MACROD1: variants seen among roughly 807,000 people sequenced by gnomAD.
MACROD1 encodes the protein mono-ADP ribosylhydrolase 1, also known as ADP-ribose glycohydrolase MACROD1.
In MACROD1, 31 loss-of-function variants were observed where a neutral mutation model predicts 41.4. The ratio of observed to expected loss-of-function variants is 0.75; its 90% CI spans 0.56 to 1.01. The LOEUF is 1.01. Among genes scored for constraint, MACROD1 ranks in the 50% least tolerant of loss-of-function variants. MACROD1 has a pLI of 0.00. For synonymous variants in MACROD1, 252 were observed against 203.4 expected, an observed-to-expected ratio of 1.24 and a Z score of -2.03; for missense variants, 473 against 460.0, an observed-to-expected ratio of 1.03 and a Z score of -0.26.
chr11:63,999,391 C>T lies in MACROD1; in HGVS notation c.831G>A (p.Glu277=). The T allele has an allele frequency of 6.3e-7, 1 of 1,592,022 alleles. No individual in the cohort carries two copies. The highest frequency in any genetic ancestry group is 8.5e-7 in the Non-Finnish European group (1 of 1,173,104). Residue 277 remains glutamate, a synonymous_variant, in exon 8 of 11, where the codon GAG becomes GAA. Coordinates refer to ENST00000255681, the MANE Select transcript of MACROD1 (RefSeq NM_014067.4). The part of the protein sequence containing the change: ...ISTGVFGYPC[E]AAAEIVLATL... ...TGGCCAGCACGATCTCGGCGGCCGC[C>T]TCACAGGGGTAGCCTGAGGCGGGTG...
At chr11:64,010,107 G>A (rs1942979367) in intron 4 of MACROD1, among the ~76,000 whole-genome samples, 1 of 147,694 alleles carries the variant, frequency 6.8e-6, no homozygotes, top group East Asian at 2.0e-4. Flanking sequence ...GTTGGTTGGG[G>A]GGTTGGCTGG....
In MACROD1 at chr11:64,000,315, G is replaced by A. The variant is rs1360418410; in HGVS notation, c.576C>T (p.Gly192=). Residue 192 remains glycine, a synonymous_variant, in exon 5 of 11, where the codon GGC becomes GGT. Coordinates refer to ENST00000255681, the MANE Select transcript of MACROD1 (RefSeq NM_014067.4). ...GVDGCIHRAA[G]PLLTDECRTL... ...TCCGGCACTCGTCGGTAAGCAGGGG[G>A]CCGGCGGCCCGATGAATGCAGCCGT... The A allele has an allele frequency of 6.3e-7, 1 of 1,591,572 alleles. No homozygotes were observed. The highest frequency in any genetic ancestry group is 1.1e-5 in the South Asian group (1 of 87,842).
At chr11:64,136,357 G>A (rs1945332568) in intron 3 of MACROD1, among the ~76,000 whole-genome samples, 1 of 152,228 alleles carries the variant, frequency 6.6e-6, no homozygotes, top group Admixed American at 6.5e-5. Flanking sequence ...AGTCACTTAT[G>A]GTCTCTATAG....
At position 63,999,623 on chromosome 11, in the gene MACROD1, C is replaced by T; in HGVS notation, c.786+19G>A. ...CACTGCGCCCCGCCTCCCGCCCTCCCCCGCGGGCCGTCCCTCACCACCGAG... is the reference window on the plus strand; with the variant it reads ...CACTGCGCCCCGCCTCCCGCCCTCCTCCGCGGGCCGTCCCTCACCACCGAG... On this transcript the variant is annotated intron_variant, in intron 6 of 10. Transcript: ENST00000255681. The T allele has an allele frequency of 1.2e-6, 2 of 1,609,558 alleles. No homozygotes were observed. The highest frequency in any genetic ancestry group is 1.7e-6 in the Non-Finnish European group (2 of 1,178,836).
At chr11:64,039,917 G>A (rs1943453553) in intron 3 of MACROD1, among the ~76,000 whole-genome samples, 1 of 152,024 alleles carries the variant, frequency 6.6e-6, no homozygotes, top group Admixed American at 6.6e-5. Flanking sequence ...GGGAGTTTGG[G>A]GCTGAAGCCA....
chr11:64,115,837 T>C (rs1944967590), intron 3 of MACROD1, among the ~76,000 whole-genome samples: 2 of 152,212 alleles, frequency 1.3e-5, no homozygotes, highest in Non-Finnish European at 2.9e-5. Context: ...ACCTTTAGCG[T>C]TGGCCATAAA....
At chr11:64,100,284 T>G (rs1433599707) in intron 3 of MACROD1, among the ~76,000 whole-genome samples, 1 of 152,224 alleles carries the variant, frequency 6.6e-6, no homozygotes, top group Non-Finnish European at 1.5e-5. Flanking sequence ...GATTGGGCAC[T>G]TGGCTTTCTT....
intron 3 of MACROD1, among the ~76,000 whole-genome samples, chr11:64,027,822 C>G (rs1027978945): frequency 1.3e-5 from 2 of 152,228 alleles, no homozygotes; most frequent in South Asian, 2.1e-4. Context: ...TCCCCTCCCC[C>G]ACCACGGATT....
intron 3 of MACROD1, among the ~76,000 whole-genome samples, chr11:64,068,392 T>C (rs1486264486): frequency 6.6e-6 from 1 of 152,204 alleles, no homozygotes; most frequent in Non-Finnish European, 1.5e-5. Flanking sequence ...CCCTAGTAGC[T>C]GTAAAATGGA....
At chr11:64,110,449 G>GAA (rs754055496) in intron 3 of MACROD1, among the ~76,000 whole-genome samples, 11 of 132,274 alleles carry the variant, frequency 8.3e-5, no homozygotes, top group African/African-American at 2.8e-4. Flanking sequence ...GACTGTCTCA[G>GAA]AAAAAAAAAA....
chr11:64,148,263 G>A (rs946177360), intron 3 of MACROD1, among the ~76,000 whole-genome samples: 12 of 152,176 alleles, frequency 7.9e-5, no homozygotes, highest in African/African-American at 2.4e-4. Flanking sequence ...AGCTCTCCCC[G>A]CCCCCTTTCC....
At chr11:64,116,152 C>T (rs1041936836) in intron 3 of MACROD1, 94 of 1,436,508 alleles carry the variant, frequency 6.5e-5, no homozygotes, top group Non-Finnish European at 7.9e-5. Context: ...GGAGGGAATG[C>T]ACGATTCACT....
At chr11:64,111,977 T>C (rs1018899843) in intron 3 of MACROD1, among the ~76,000 whole-genome samples, 6 of 152,060 alleles carry the variant, frequency 3.9e-5, no homozygotes, top group African/African-American at 1.4e-4. Context: ...CCCTCAGCAG[T>C]GTGGAGTCAA....
chr11:64,083,598 G>A (rs1447882106), intron 3 of MACROD1, among the ~76,000 whole-genome samples: 1 of 152,198 alleles, frequency 6.6e-6, no homozygotes, highest in South Asian at 2.1e-4. Context: ...TTTCGAGAAC[G>A]AGCCGGGAAT....
chr11:64,095,972 C>A (rs1590901340), intron 3 of MACROD1, among the ~76,000 whole-genome samples: 1 of 34,530 alleles, frequency 2.9e-5, no homozygotes, highest in East Asian at 3.4e-4. Flanking sequence ...CAGCAGTGGT[C>A]CCCCCACCCC....
At chr11:63,999,477 C>A in intron 7 of MACROD1, 53 bp downstream of exon 7, 2 of 1,573,416 alleles carry the variant, frequency 1.3e-6, no homozygotes, top group South Asian at 1.2e-5. Flanking sequence ...CGGCCCCTCC[C>A]GGCGTCTGGG....
At chr11:64,052,219 G>C (rs1158491130) in intron 3 of MACROD1, among the ~76,000 whole-genome samples, 1 of 152,082 alleles carries the variant, frequency 6.6e-6, no homozygotes, top group Non-Finnish European at 1.5e-5. Flanking sequence ...AAATCTAGAA[G>C]GGTGGTAGGA....
At chr11:64,066,643 G>GA (rs942773480) in intron 3 of MACROD1, among the ~76,000 whole-genome samples, 2,078 of 78,800 alleles carry the variant, frequency 0.026, 35 homozygotes, top group African/African-American at 0.067. Flanking sequence ...TCTTCAAAAA[G>GA]AAAAAAAAAA....
intron 3 of MACROD1, among the ~76,000 whole-genome samples, chr11:64,129,938 T>TG (rs1945241483): frequency 1.3e-5 from 2 of 152,132 alleles, no homozygotes; most frequent in Admixed American, 6.5e-5. Flanking sequence ...ACCGGGTGGT[T>TG]GGGGGGCCGT....
Sources: allele counts gnomAD v4.1 joint callset (sites outside exome capture counted in the v4.1 genomes callset), GRCh38; gene constraint gnomAD v4.1.1; transcripts MANE v1.5; gene names NCBI Gene and HGNC (gene_info 2026-07-23, HGNC 2026-07-21).